The following SORCS1 variants were observed in gnomAD, a reference collection of about 807,000 sequenced individuals.
The protein encoded by SORCS1 is sortilin related VPS10 domain containing receptor 1.
In SORCS1, 60 loss-of-function variants were observed where a neutral mutation model predicts 146.1. The ratio of observed to expected loss-of-function variants is 0.41; its 90% CI spans 0.33 to 0.51. The LOEUF is 0.51. Ranked by LOEUF, SORCS1 falls within the 20% of genes least tolerant of loss-of-function variation. SORCS1 has a pLI of 0.21. For synonymous variants in SORCS1, 637 were observed against 584.0 expected, an observed-to-expected ratio of 1.09 and a Z score of -1.31; for missense variants, 1,352 against 1,487.6, an observed-to-expected ratio of 0.91 and a Z score of 1.50.
intron 6 of SORCS1, among the ~76,000 whole-genome samples, chr10:106,720,578 T>G (rs1225869269): frequency 6.6e-6 from 1 of 151,472 alleles, no homozygotes; most frequent in African/African-American, 2.4e-5. Flanking sequence ...TTAAGTACGA[T>G]GCTACTTTTT....
At chr10:107,079,904 C>A (rs1358084298) in intron 1 of SORCS1, among the ~76,000 whole-genome samples, 1 of 152,210 alleles carries the variant, frequency 6.6e-6, no homozygotes, top group African/African-American at 2.4e-5. Flanking sequence ...TCCTCATGAG[C>A]AGCTCCCACC....
intron 21 of SORCS1, among the ~76,000 whole-genome samples, chr10:106,614,034 C>T (rs1847188487): frequency 6.6e-6 from 1 of 152,110 alleles, no homozygotes; most frequent in South Asian, 2.1e-4. Flanking sequence ...TTTTCACACT[C>T]AGCGCTATTT....
chr10:106,950,749 T>A (rs1343435992), intron 2 of SORCS1, among the ~76,000 whole-genome samples: 1 of 152,080 alleles, frequency 6.6e-6, no homozygotes, highest in Non-Finnish European at 1.5e-5. Context: ...GCAATGAACG[T>A]ATGGAGTTCA....
At chr10:106,902,150 A>C (rs967463329) in intron 2 of SORCS1, among the ~76,000 whole-genome samples, 2 of 152,188 alleles carry the variant, frequency 1.3e-5, no homozygotes, top group African/African-American at 4.8e-5. Flanking sequence ...CTCTGGTATA[A>C]TATCAATGAG....
intron 10 of SORCS1, among the ~76,000 whole-genome samples, chr10:106,683,783 C>T (rs900114448): frequency 6.6e-6 from 1 of 152,262 alleles, no homozygotes; most frequent in Non-Finnish European, 1.5e-5. Flanking sequence ...CTCTCCCTCC[C>T]GAAATACATA....
chr10:106,844,273 T>C (rs1949206488), intron 2 of SORCS1, among the ~76,000 whole-genome samples: 1 of 152,184 alleles, frequency 6.6e-6, no homozygotes, highest in African/African-American at 2.4e-5. Context: ...GTTTCTTATA[T>C]ATTGTGATGA....
intron 1 of SORCS1, among the ~76,000 whole-genome samples, chr10:107,068,972 T>A (rs1384474951): frequency 2.6e-5 from 4 of 152,154 alleles, no homozygotes; most frequent in Admixed American, 1.3e-4. Flanking sequence ...GAAACCTAAC[T>A]GGTGAGAGAC....
At position 106,790,454 on chromosome 10, in the gene SORCS1, C is replaced by T. The variant is rs1380338738; in HGVS notation, c.727-13762G>A. Reference sequence around the variant, plus strand: ...TTATATAGCAGGGAAGAAATGTAATCGTGTGTAAGAAAACAGGAACTAAGG... The same window carrying T: ...TTATATAGCAGGGAAGAAATGTAATTGTGTGTAAGAAAACAGGAACTAAGG... On this transcript the variant is annotated intron_variant, in intron 3 of 25. Transcript: ENST00000263054. Among the ~76,000 whole-genome samples the T allele has an allele frequency of 6.6e-5, 10 of 152,134 alleles. No homozygotes were observed. The East Asian group carries it at 7.7e-4, about 12-fold the overall frequency.
At chr10:106,876,022 T>A (rs1053085147) in intron 2 of SORCS1, among the ~76,000 whole-genome samples, 2 of 152,118 alleles carry the variant, frequency 1.3e-5, no homozygotes, top group Non-Finnish European at 2.9e-5. Context: ...TTTTGATTTA[T>A]AAATCAAAAT....
intron 1 of SORCS1, among the ~76,000 whole-genome samples, chr10:107,115,012 TC>T (rs1965933008): frequency 6.6e-6 from 1 of 151,806 alleles, no homozygotes; most frequent in Non-Finnish European, 1.5e-5. Flanking sequence ...TACAACAGCA[TC>T]AAAAATAAGA....
intron 24 of SORCS1, among the ~76,000 whole-genome samples, chr10:106,585,341 G>C (rs1845165287): frequency 1.3e-5 from 2 of 152,088 alleles, no homozygotes; most frequent in Admixed American, 6.5e-5. Context: ...GCAGGCCCCA[G>C]ATATTCTCAC....
At chr10:106,670,669 T>C (rs1019743726) in intron 16 of SORCS1, among the ~76,000 whole-genome samples, 1 of 152,106 alleles carries the variant, frequency 6.6e-6, no homozygotes, top group Admixed American at 6.6e-5. Context: ...GTGTTGCTGT[T>C]TGAAGCAGCA....
chr10:106,900,665 C>G (rs1352083040), intron 2 of SORCS1, among the ~76,000 whole-genome samples: 1 of 152,186 alleles, frequency 6.6e-6, no homozygotes, highest in Non-Finnish European at 1.5e-5. Context: ...CCATCCCTAA[C>G]TTCCCCACTC....
At chr10:107,050,193 C>T (rs1358381114) in intron 1 of SORCS1, among the ~76,000 whole-genome samples, 6 of 152,134 alleles carry the variant, frequency 3.9e-5, no homozygotes, top group South Asian at 2.1e-4. Flanking sequence ...CAGGTATTAG[C>T]GGATTCAGTT....
At chr10:106,598,997 C>G (rs936010437) in intron 23 of SORCS1, among the ~76,000 whole-genome samples, 2 of 152,190 alleles carry the variant, frequency 1.3e-5, no homozygotes, top group African/African-American at 4.8e-5. Context: ...TGTCATAAAA[C>G]TATGCTGAAA....
Position 106,688,266 on chromosome 10 carries a change from T to C in SORCS1, c.1486A>G (p.Asn496Asp), listed in dbSNP as rs1853020491. ...AGCAAACGCCAGTCTCTGCCTTTGT[T>C]ATATGTGATGAAAGTCTTCACTTGG... ...DNQVKTFITY[N>D]KGRDWRLLQA... The change falls in exon 10 of 26, where the codon AAC becomes GAC. Residue 496 changes from asparagine (N) to aspartate (D), a missense_variant. This residue lies in a region of SORCS1 where 648 missense variants were observed against 793.8 expected (regional missense o/e 0.82). Transcript: ENST00000263054. The C allele has an allele frequency of 3.7e-6, 6 of 1,613,938 alleles. No individual in the cohort carries two copies. Among genetic ancestry groups the C allele is most frequent in the African/African-American group, 1.3e-5 (1 of 74,944 alleles).
At chr10:106,805,439 C>T (rs1386444865) in intron 3 of SORCS1, among the ~76,000 whole-genome samples, 1 of 152,126 alleles carries the variant, frequency 6.6e-6, no homozygotes, top group Non-Finnish European at 1.5e-5. Context: ...GTAAAGAGAG[C>T]AGACTGCAGT....
intron 2 of SORCS1, among the ~76,000 whole-genome samples, chr10:106,878,166 T>TC (rs1255269047): frequency 2.9e-5 from 1 of 34,800 alleles, no homozygotes; most frequent in African/African-American, 2.1e-4. Context: ...CAGACAGGGC[T>TC]TTTTTTTTTT....
chr10:106,745,873 A>G (rs926672255), intron 5 of SORCS1, among the ~76,000 whole-genome samples: 8 of 152,190 alleles, frequency 5.3e-5, no homozygotes, highest in Non-Finnish European at 1.2e-4. Context: ...AATAAGACAT[A>G]TTGATATCTT....
Sources: allele counts gnomAD v4.1 joint callset (sites outside exome capture counted in the v4.1 genomes callset), GRCh38; gene constraint gnomAD v4.1.1; regional missense constraint gnomAD v4.1.1; transcripts MANE v1.5; gene names NCBI Gene and HGNC (gene_info 2026-07-23, HGNC 2026-07-21).